Variants in F13B observed in about 807,000 individuals in gnomAD.
F13B encodes coagulation factor XIII B chain.
Under a neutral mutation model 79.8 loss-of-function variants are expected in F13B, and 58 were observed. That is an observed-to-expected ratio of 0.73 (90% CI 0.59 to 0.90). The LOEUF is 0.90. F13B is among the 40% of genes least tolerant of loss of function. The pLI, the probability that F13B is intolerant of heterozygous loss-of-function variation, is 0.00. For missense variants in F13B, 773 were observed against 777.0 expected, an observed-to-expected ratio of 0.99 and a Z score of 0.06; for synonymous variants, 283 against 260.3, an observed-to-expected ratio of 1.09 and a Z score of -0.84.
intron 8 of F13B, among the ~76,000 whole-genome samples, chr1:197,053,773 TA>T (rs1485340782): frequency 6.6e-6 from 1 of 151,994 alleles, no homozygotes; most frequent in Non-Finnish European, 1.5e-5. Flanking sequence ...AAATAAGAAG[TA>T]AAAAAGCTTG....
In F13B at chr1:197,061,848, A is replaced by T; in HGVS notation, c.387T>A (p.Asp129Glu). 6.2e-7 allele frequency: 1 copy of T among 1,613,430 alleles called. No individual in the cohort carries two copies. Among genetic ancestry groups the T allele is most frequent in the Non-Finnish European group, 8.5e-7 (1 of 1,179,642 alleles). The change falls in exon 3 of 12, where the codon GAT (aspartate) becomes GAA (glutamate). Residue 129 changes from aspartate (D) to glutamate (E), a missense_variant. By Grantham distance (45) the Asp-to-Glu change is conservative. Coordinates refer to ENST00000367412, the MANE Select transcript of F13B (RefSeq NM_001994.3). ...CAGAGAGACATTGAACCACTTCTTC[A>T]TCCTTCCCTCCAGTGGTTTTGTACC... ...ASGYKTTGGKDEEVVQCLSDG... is the reference protein window; with the variant it reads ...ASGYKTTGGKEEEVVQCLSDG...
In F13B at chr1:197,055,867, A is replaced by G. The variant is rs1475993232; in HGVS notation, c.1202T>C (p.Val401Ala). The G allele has an allele frequency of 1.2e-6, 2 of 1,613,516 alleles. No individual in the cohort carries two copies. The highest frequency in any genetic ancestry group is 1.1e-5 in the South Asian group (1 of 91,074). Reference protein sequence around the residue: ...ENNENCKHPPVVMNGAVADGI... With the variant: ...ENNENCKHPPAVMNGAVADGI... ...GTCTGCAACAGCCCCATTCATTACA[A>G]CAGGAGGATGCTTACAATTCTCATT... is the stretch of plus-strand genomic sequence containing the variant. Residue 401 changes from valine (V) to alanine (A), a missense_variant, in exon 8 of 12, where the codon GTT (valine) becomes GCT (alanine). Val to Ala is a moderately conservative substitution (Grantham distance 64). Transcript: ENST00000367412.
intron 10 of F13B, among the ~76,000 whole-genome samples, chr1:197,047,606 A>G (rs985580119): frequency 6.6e-6 from 1 of 152,344 alleles, no homozygotes. Flanking sequence ...ATCTAGAACT[A>G]GAAATACCAT....
chr1:197,053,688 T>C (rs1375150492), intron 8 of F13B, among the ~76,000 whole-genome samples: 1 of 152,058 alleles, frequency 6.6e-6, no homozygotes, highest in Non-Finnish European at 1.5e-5. Context: ...AAAAGAGTAC[T>C]GGAGCAGGAG....
chr1:197,058,025 G>A (rs1404139172), intron 5 of F13B, among the ~76,000 whole-genome samples: 3 of 152,016 alleles, frequency 2.0e-5, no homozygotes, highest in Admixed American at 1.3e-4. Flanking sequence ...GCAAGGAGTC[G>A]GTTAAGCCGC....
At position 197,057,113 on chromosome 1, in the gene F13B, C is replaced by A. The variant is rs775799552; in HGVS notation, c.1071G>T (p.Gly357=). ...ANLHSKIYYN[G]DKVTYACKSG... is the part of the protein sequence containing the mutation. ...TTTTACATGCATATGTCACTTTATC[C>A]CCATTGTAATAAATCTTAGAGTGTA... Residue 357 remains glycine, a synonymous_variant, in exon 7 of 12, where the codon GGG becomes GGT. Coordinates refer to ENST00000367412, the MANE Select transcript of F13B (RefSeq NM_001994.3). 1 of 1,613,780 alleles carries A rather than the reference C, an allele frequency of 6.2e-7. No individual in the cohort carries two copies. The highest frequency in any genetic ancestry group is 2.2e-5 in the East Asian group (1 of 44,858).
At chr1:197,045,699 C>CACA (rs1236392869) in intron 10 of F13B, among the ~76,000 whole-genome samples, 1 of 152,084 alleles carries the variant, frequency 6.6e-6, no homozygotes, top group East Asian at 1.9e-4. Context: ...CTGGCAGAGA[C>CACA]ACAACAACAA....
intron 4 of F13B, 38 bp downstream of exon 4, chr1:197,060,861 C>G (rs1216971535): frequency 1.3e-6 from 2 of 1,583,326 alleles, no homozygotes; most frequent in East Asian, 2.2e-5. Flanking sequence ...AAAAAGCTTT[C>G]AGAGTGAGAG....
chr1:197,065,543 T>C (rs1656017342), intron 1 of F13B, among the ~76,000 whole-genome samples: 1 of 152,120 alleles, frequency 6.6e-6, no homozygotes, highest in Non-Finnish European at 1.5e-5. Flanking sequence ...GAGGTGTTGG[T>C]GAGAATGATG....
At chr1:197,044,285 C>T (rs1655146755) in intron 10 of F13B, among the ~76,000 whole-genome samples, 1 of 152,024 alleles carries the variant, frequency 6.6e-6, no homozygotes, top group South Asian at 2.1e-4. Flanking sequence ...GCTCAGCAGT[C>T]TGAGATCAAC....
chr1:197,063,084 A>G (rs754818445), intron 1 of F13B, 27 bp from the exon 2 acceptor site: 7 of 1,589,086 alleles, frequency 4.4e-6, no homozygotes, highest in Non-Finnish European at 6.0e-6. Flanking sequence ...TCAAGCTGAA[A>G]ATGGAAAAAC....
chr1:197,056,907 T>C (rs1655660686), intron 7 of F13B, 106 bp downstream of exon 7: 4 of 1,133,064 alleles, frequency 3.5e-6, no homozygotes. Flanking sequence ...GTGTTTCTAA[T>C]TTGCCTAAGC....
In F13B at chr1:197,052,081, G is replaced by A. The variant is rs964301963; in HGVS notation, c.1555+553C>T. ...CATCGCAATTGCTTTTGGCATTTTCGTCATTAAGTATTTGCCCATGCCTAT... is the reference window on the plus strand; with the variant it reads ...CATCGCAATTGCTTTTGGCATTTTCATCATTAAGTATTTGCCCATGCCTAT... On this transcript the variant is annotated intron_variant, in intron 9 of 11. Transcript: ENST00000367412. 8.5e-5 allele frequency among the ~76,000 whole-genome samples: 13 copies of A among 152,106 alleles called. No homozygotes were observed. In the East Asian group the frequency reaches 9.7e-4, roughly 11 times the overall value.
rs1004251943 is a variant in F13B at position 197,046,141 on chromosome 1, C to A, written c.1738+4556G>T. 2.6e-5 allele frequency among the ~76,000 whole-genome samples: 4 copies of A among 152,148 alleles called. No individual in the cohort carries two copies. The East Asian group carries it at 5.8e-4, about 22-fold the overall frequency. ...GCCCTCTCTCACCACTCCTATTCAA[C>A]ATAGTGTTGGAAGTTCTGGCCAGGG... is the stretch of plus-strand genomic sequence containing the variant. On this transcript the variant is annotated intron_variant, in intron 10 of 11. Transcript: ENST00000367412.
chr1:197,040,425 C>T (rs1654992811), intron 11 of F13B, 97 bp downstream of exon 11: 2 of 787,750 alleles, frequency 2.5e-6, no homozygotes, highest in African/African-American at 1.8e-5. Flanking sequence ...TTGCAATTGC[C>T]ATAAAGTATG....
At chr1:197,045,919 G>A (rs1655213432) in intron 10 of F13B, among the ~76,000 whole-genome samples, 1 of 152,088 alleles carries the variant, frequency 6.6e-6, no homozygotes, top group Admixed American at 6.6e-5. Flanking sequence ...AAAACCACAT[G>A]ATTATCTCAA....
At chr1:197,039,647 A>C (rs1412803546) in intron 11 of F13B, among the ~76,000 whole-genome samples, 1 of 152,058 alleles carries the variant, frequency 6.6e-6, no homozygotes. Context: ...TTTTTCTCTT[A>C]AAAGTGAGAA....
At chr1:197,039,570 C>T (rs1329800771) in intron 11 of F13B, among the ~76,000 whole-genome samples, 159 bp from the exon 12 acceptor site, 1 of 151,988 alleles carries the variant, frequency 6.6e-6, no homozygotes, top group Non-Finnish European at 1.5e-5. Context: ...CACCAGTTCC[C>T]TTTTAAAAAT....
In F13B at chr1:197,061,107, CT is replaced by C. The variant is rs17549277; in HGVS notation, c.452-33del. ...TTATAAAAATTATTTATTTTATAAA[CT>C]TTTTTAATAACCTAGATTATAAAAA... On this transcript the variant is annotated intron_variant, in intron 3 of 11. Coordinates refer to ENST00000367412, the MANE Select transcript of F13B (RefSeq NM_001994.3). 509,301 of 1,065,076 alleles carry C rather than the reference CT, an allele frequency of 0.48. 130,114 individuals are homozygous for C. Among genetic ancestry groups the C allele is most frequent in the East Asian group, 0.83 (30,017 of 36,238 alleles). The allele number at this position is 1,065,076 out of a possible 1,614,324, so 66.0% of individuals were successfully genotyped here. A position where few individuals can be genotyped will look rare whatever the true frequency, so the allele number is the denominator to read the frequency against.
Sources: allele counts gnomAD v4.1 joint callset (sites outside exome capture counted in the v4.1 genomes callset), GRCh38; gene constraint gnomAD v4.1.1; transcripts MANE v1.5; gene names NCBI Gene and HGNC (gene_info 2026-07-23, HGNC 2026-07-21).